DPP6: variants seen among roughly 807,000 people sequenced by gnomAD.
DPP6 encodes dipeptidyl peptidase like 6.
In DPP6, 69 loss-of-function variants were observed where a neutral mutation model predicts 122.6. That is an observed-to-expected ratio of 0.56 (90% CI 0.46 to 0.69). The LOEUF (loss-of-function observed/expected upper bound fraction) is 0.69. Ranked by LOEUF, DPP6 falls within the 30% of genes least tolerant of loss-of-function variation. The pLI is 0.00. For synonymous variants in DPP6, 418 were observed against 433.1 expected (o/e 0.97, Z 0.43); for missense variants, 928 against 1,116.9 (o/e 0.83, Z 2.41).
chr7:154,732,505 A>G (rs1842387155), intron 8 of DPP6, among the ~76,000 whole-genome samples: 1 of 152,180 alleles, frequency 6.6e-6, no homozygotes, highest in Non-Finnish European at 1.5e-5. Flanking sequence ...GGAACATGTT[A>G]GGGTCATTGG....
chr7:154,080,048 G>T lies in DPP6; in HGVS notation c.243+26985G>T, dbSNP rs141561864. 3.3e-5 allele frequency among the ~76,000 whole-genome samples: 5 copies of T among 150,722 alleles called. No homozygotes were observed. In the South Asian group the frequency reaches 6.4e-4, roughly 19 times the overall value. ...GGGCTGGGAAGCCACACGAGATAGC[G>T]CAGGCTGGGGGATGTGCAGGAGCTG... On this transcript the variant is annotated intron_variant, in intron 1 of 25. Coordinates refer to ENST00000377770, the MANE Select transcript of DPP6 (RefSeq NM_130797.4).
chr7:154,136,103 G>C (rs933135644), intron 1 of DPP6, among the ~76,000 whole-genome samples: 1 of 152,106 alleles, frequency 6.6e-6, no homozygotes, highest in Non-Finnish European at 1.5e-5. Context: ...TACCTCTCTT[G>C]TGTTTCTCCA....
chr7:153,769,808 A>G, the DPP6 span, among the ~76,000 whole-genome samples: 1 of 152,182 alleles, frequency 6.6e-6, no homozygotes, highest in Non-Finnish European at 1.5e-5. Flanking sequence ...GAGATAAAAG[A>G]CTACAGGCTG....
In DPP6 at chr7:154,628,114, A is replaced by G. The variant is rs559858788; in HGVS notation, c.628-9707A>G. 3.3e-4 allele frequency among the ~76,000 whole-genome samples: 50 copies of G among 152,296 alleles called. 2 individuals carry two copies. The South Asian group carries it at 9.5e-3, about 29-fold the overall frequency. On this transcript the variant is annotated intron_variant, in intron 5 of 25. Coordinates refer to ENST00000377770, the MANE Select transcript of DPP6 (RefSeq NM_130797.4). ...AGGAATGTTAGTGGTTGCTGGTTCC[A>G]TCTCACCAATTCCTGCATTCCTGCA... is the stretch of plus-strand genomic sequence containing the variant.
intron 1 of DPP6, among the ~76,000 whole-genome samples, chr7:154,353,952 C>A (rs930818548): frequency 6.6e-6 from 1 of 152,212 alleles, no homozygotes; most frequent in African/African-American, 2.4e-5. Flanking sequence ...AAGGAGAATT[C>A]TCCCTGAAGT....
chr7:154,786,623 C>A (rs1017795861), intron 10 of DPP6, among the ~76,000 whole-genome samples: 10 of 152,170 alleles, frequency 6.6e-5, no homozygotes, highest in Admixed American at 3.9e-4. Flanking sequence ...GAGGCCTCTG[C>A]AGCCCTGCAG....
chr7:154,217,376 A>G (rs1800065231), intron 1 of DPP6, among the ~76,000 whole-genome samples: 1 of 152,168 alleles, frequency 6.6e-6, no homozygotes, highest in Non-Finnish European at 1.5e-5. Flanking sequence ...CCCACATGAA[A>G]AGAATGAAAT....
chr7:153,932,876 C>G (rs938859838), intron 1 of DPP6, among the ~76,000 whole-genome samples: 1 of 152,108 alleles, frequency 6.6e-6, no homozygotes, highest in Non-Finnish European at 1.5e-5. Context: ...TCCCATAATC[C>G]CCACGTGTTA....
chr7:154,290,008 A>G (rs1227317854), intron 1 of DPP6, among the ~76,000 whole-genome samples: 2 of 152,216 alleles, frequency 1.3e-5, no homozygotes, highest in Admixed American at 6.5e-5. Flanking sequence ...TGAAAAATAA[A>G]TGAGGTGTGA....
At chr7:154,819,709 C>T (rs879507385) in intron 16 of DPP6, among the ~76,000 whole-genome samples, 2 of 152,056 alleles carry the variant, frequency 1.3e-5, no homozygotes, top group Non-Finnish European at 2.9e-5. Context: ...AAAACAAAAA[C>T]AATGCCACTG....
chr7:154,323,993 A>G (rs1304473223), intron 1 of DPP6, among the ~76,000 whole-genome samples: 2 of 152,224 alleles, frequency 1.3e-5, no homozygotes, highest in Admixed American at 6.5e-5. Flanking sequence ...ACGCAGACCC[A>G]TATTTTCCAA....
chr7:154,565,617 C>T (rs895164679), intron 4 of DPP6, among the ~76,000 whole-genome samples: 2 of 152,068 alleles, frequency 1.3e-5, no homozygotes, highest in African/African-American at 4.8e-5. Context: ...CCTCTGCCGT[C>T]CAGGTTCAAG....
In DPP6 at chr7:154,804,182, C is replaced by G. The variant is rs556893121; in HGVS notation, c.1499+227C>G. ...CTGAGGACGCAATTAGGCTTGCAGC[C>G]AGCCCATGAAGGGAAGCACGCTAGC... is the stretch of plus-strand genomic sequence containing the variant. On this transcript the variant is annotated intron_variant, in intron 14 of 25. Transcript: ENST00000377770. 2.0e-5 allele frequency among the ~76,000 whole-genome samples: 3 copies of G among 152,294 alleles called. No individual in the cohort carries two copies. The South Asian group carries it at 6.2e-4, about 32-fold the overall frequency.
intron 1 of DPP6, among the ~76,000 whole-genome samples, chr7:154,248,876 A>G (rs1563366977): frequency 6.6e-6 from 1 of 152,226 alleles, no homozygotes; most frequent in Admixed American, 6.5e-5. Flanking sequence ...AGGAAAAAAA[A>G]AAAAGAAAAG....
chr7:153,989,859 A>G (rs1797066524), intron 1 of DPP6, among the ~76,000 whole-genome samples: 1 of 151,858 alleles, frequency 6.6e-6, no homozygotes, highest in African/African-American at 2.4e-5. Flanking sequence ...GCCCACCTGC[A>G]AGATGCAAGG....
chr7:154,566,722 A>T, intron 4 of DPP6, 120 bp from the exon 5 acceptor site: 1 of 631,680 alleles, frequency 1.6e-6, no homozygotes, highest in South Asian at 1.9e-5. Context: ...CAAAGAAAGG[A>T]TATAGCCATT....
chr7:154,788,321 G>T (rs1257317732), intron 10 of DPP6, among the ~76,000 whole-genome samples: 1 of 151,968 alleles, frequency 6.6e-6, no homozygotes, highest in Non-Finnish European at 1.5e-5. Context: ...GCGCACACCT[G>T]TAATCTCAGC....
Position 154,755,564 on chromosome 7 carries a change from C to A in DPP6, c.884-13853C>A, listed in dbSNP as rs1370752282. ...TGCGTTGAGGATTAAATGAGTTAAC[C>A]CATCTACGCAGTTAGAGCCGGCTTG... On this transcript the variant is annotated intron_variant, in intron 8 of 25. Coordinates refer to ENST00000377770, the MANE Select transcript of DPP6 (RefSeq NM_130797.4). The surrounding 1 kb of genome is among the most constrained non-coding windows in gnomAD (Gnocchi z 4.7). Among the ~76,000 whole-genome samples, 1 of 152,116 alleles carries A rather than the reference C, an allele frequency of 6.6e-6. No individual in the cohort carries two copies. Among genetic ancestry groups the A allele is most frequent in the African/African-American group, 2.4e-5 (1 of 41,398 alleles).
intron 1 of DPP6, among the ~76,000 whole-genome samples, chr7:154,272,565 G>A (rs1803865004): frequency 6.6e-6 from 1 of 152,118 alleles, no homozygotes; most frequent in Admixed American, 6.5e-5. Flanking sequence ...TTTGAAAATT[G>A]GGGGATGTCA....
Sources: gnomAD v4.1 joint callset for allele counts (sites outside exome capture counted in the v4.1 genomes callset) on GRCh38, gnomAD v4.1.1 for gene constraint, Gnocchi (gnomAD v3.1) non-coding constraint, MANE v1.5 for transcripts, NCBI Gene and HGNC (gene_info 2026-07-23, HGNC 2026-07-21) for gene names.